Variants in NEK11 observed in about 807,000 individuals in gnomAD.
The protein encoded by NEK11 is NIMA related kinase 11.
In NEK11, 72 loss-of-function variants were observed where a neutral mutation model predicts 80.7. That is an observed-to-expected ratio of 0.89 (90% CI 0.74 to 1.08). NEK11 has a LOEUF of 1.08. Among genes scored for constraint, NEK11 ranks in the 50% least tolerant of loss-of-function variants. NEK11 has a pLI of 0.00. For missense variants in NEK11, 764 were observed against 763.6 expected (o/e 1.00, Z -0.01); for synonymous variants, 251 against 260.7 (o/e 0.96, Z 0.36).
At chr3:131,189,310 C>T (rs770822096) in intron 14 of NEK11, among the ~76,000 whole-genome samples, 1 of 152,206 alleles carries the variant, frequency 6.6e-6, no homozygotes, top group Non-Finnish European at 1.5e-5. Context: ...TTGTCTTAGT[C>T]TGTTCAGGCT....
intron 17 of NEK11, among the ~76,000 whole-genome samples, chr3:131,294,904 C>A (rs533111327): frequency 3.9e-5 from 6 of 152,214 alleles, no homozygotes; most frequent in African/African-American, 1.2e-4. Context: ...CCCTTGATTT[C>A]TTTTAATGAG....
chr3:131,218,311 A>T (rs1411571999), intron 14 of NEK11, among the ~76,000 whole-genome samples: 1 of 152,130 alleles, frequency 6.6e-6, no homozygotes, highest in Non-Finnish European at 1.5e-5. Context: ...CTGTGTCCAG[A>T]TAAAAGGAGC....
intron 17 of NEK11, among the ~76,000 whole-genome samples, chr3:131,319,141 A>G (rs2096873132): frequency 6.6e-6 from 1 of 152,176 alleles, no homozygotes; most frequent in Non-Finnish European, 1.5e-5. Context: ...ACCTTTTATT[A>G]TAATTACTAG....
intron 17 of NEK11, chr3:131,330,673 C>T (rs1201983711): frequency 6.6e-6 from 1 of 152,142 alleles, no homozygotes; most frequent in African/African-American, 2.4e-5. Context: ...TGGTGATTGA[C>T]CTAATGCTCA....
At chr3:131,312,451 A>G (rs1365768761) in intron 17 of NEK11, among the ~76,000 whole-genome samples, 1 of 152,162 alleles carries the variant, frequency 6.6e-6, no homozygotes, top group Non-Finnish European at 1.5e-5. Context: ...CTAAGCTTCA[A>G]CATATGTACA....
At chr3:131,115,986 C>CTTTCTTTCTTTCTT (rs1404285482) in intron 5 of NEK11, among the ~76,000 whole-genome samples, 1 of 80,894 alleles carries the variant, frequency 1.2e-5, no homozygotes, top group East Asian at 3.3e-4. Flanking sequence ...TTCTTTCTTT[C>CTTTCTTTCTTTCTT]TTTATTATAC....
At chr3:131,338,426 G>A (rs1388024292) in intron 17 of NEK11, among the ~76,000 whole-genome samples, 1 of 152,048 alleles carries the variant, frequency 6.6e-6, no homozygotes, top group Non-Finnish European at 1.5e-5. Flanking sequence ...CGGCTGAGAA[G>A]CAATAAGCAG....
At chr3:131,330,892 G>C (rs187643893) in intron 17 of NEK11, 1 of 145,280 alleles carries the variant, frequency 6.9e-6, no homozygotes, top group Non-Finnish European at 1.5e-5. Context: ...GGCAGAAGTC[G>C]GAAGGGCAAG....
chr3:131,183,311 G>A (rs2093447795), intron 14 of NEK11, among the ~76,000 whole-genome samples: 1 of 152,190 alleles, frequency 6.6e-6, no homozygotes, highest in Non-Finnish European at 1.5e-5. Flanking sequence ...TCTGGGATAT[G>A]TGTGCAGGAT....
chr3:131,233,080 TTGGCAGGCAGGC>T (rs1411688508), intron 15 of NEK11, among the ~76,000 whole-genome samples: 1 of 150,966 alleles, frequency 6.6e-6, no homozygotes, highest in Non-Finnish European at 1.5e-5. Context: ...TGATAAAACC[TTGGCAGGCAGGC>T]TGGCAGGCAG....
chr3:131,303,324 C>T (rs957927740), intron 17 of NEK11, among the ~76,000 whole-genome samples: 6 of 152,160 alleles, frequency 3.9e-5, no homozygotes, highest in African/African-American at 1.4e-4. Context: ...GGTCTGTTTA[C>T]ATTCAAGGTT....
intron 3 of NEK11, among the ~76,000 whole-genome samples, chr3:131,057,026 A>C: frequency 7.7e-6 from 1 of 129,558 alleles, no homozygotes; most frequent in Non-Finnish European, 1.6e-5. Flanking sequence ...TCCTAATGCT[A>C]TCCCTCCCCC....
chr3:131,220,435 T>C (rs1561043812), intron 14 of NEK11, among the ~76,000 whole-genome samples: 1 of 152,210 alleles, frequency 6.6e-6, no homozygotes, highest in Non-Finnish European at 1.5e-5. Context: ...GGCTGTCATG[T>C]TAATACAAAT....
chr3:131,318,258 CCAAA>C (rs1474574650), intron 17 of NEK11, among the ~76,000 whole-genome samples: 3 of 152,020 alleles, frequency 2.0e-5, no homozygotes, highest in Non-Finnish European at 2.9e-5. Flanking sequence ...TATTTCAATC[CCAAA>C]CAAATACATA....
intron 14 of NEK11, among the ~76,000 whole-genome samples, chr3:131,209,388 A>T (rs1042949463): frequency 1.3e-5 from 2 of 152,186 alleles, no homozygotes; most frequent in Non-Finnish European, 2.9e-5. Context: ...CCGGTATTTT[A>T]TTGAGGATTT....
At chr3:131,262,413 C>G (rs984270385) in intron 16 of NEK11, among the ~76,000 whole-genome samples, 1 of 152,058 alleles carries the variant, frequency 6.6e-6, no homozygotes, top group Non-Finnish European at 1.5e-5. Context: ...CTGAATATGC[C>G]TATCATATTC....
rs1025099030 is a variant in NEK11 at position 131,043,658 on chromosome 3, G to A, written c.170+13780G>A. 7.9e-5 allele frequency among the ~76,000 whole-genome samples: 12 copies of A among 152,262 alleles called. 1 individual carries two copies. The highest frequency in any genetic ancestry group is 5.8e-4 in the East Asian group (3 of 5,182). ...TTTGATTGGTGTACCTGTAAGGGAC[G>A]GGGAGAATGGAACCAAGTTGGAAAA... On this transcript the variant is annotated intron_variant, in intron 3 of 17. Transcript: ENST00000383366.
intron 17 of NEK11, among the ~76,000 whole-genome samples, chr3:131,333,469 A>C (rs544369303): frequency 6.6e-6 from 1 of 152,114 alleles, no homozygotes; most frequent in Non-Finnish European, 1.5e-5. Context: ...TGAAGGAAGC[A>C]CTAAACATGG....
intron 7 of NEK11, among the ~76,000 whole-genome samples, chr3:131,146,033 C>A (rs1392308506): frequency 6.6e-6 from 1 of 152,038 alleles, no homozygotes; most frequent in Non-Finnish European, 1.5e-5. Context: ...TTCCAAGACA[C>A]TTTAAAATGT....
Sources: gnomAD v4.1 joint callset for allele counts (sites outside exome capture counted in the v4.1 genomes callset) on GRCh38, gnomAD v4.1.1 for gene constraint, MANE v1.5 for transcripts, NCBI Gene and HGNC (gene_info 2026-07-23, HGNC 2026-07-21) for gene names.